Variants in MRPL3 observed in about 807,000 individuals in gnomAD.
MRPL3 encodes large ribosomal subunit protein uL3m.
In MRPL3, 43 loss-of-function variants were observed where a neutral mutation model predicts 44.3. The ratio of observed to expected loss-of-function variants is 0.97; its 90% CI spans 0.76 to 1.25. The LOEUF is 1.25. MRPL3 is among the 50% of genes most tolerant of loss of function. The pLI, the probability that MRPL3 is intolerant of heterozygous loss-of-function variation, is 0.00. For synonymous variants in MRPL3, 171 were observed against 152.3 expected (o/e 1.12, Z -0.91); for missense variants, 406 against 427.6 (o/e 0.95, Z 0.45).
rs1934500131 is a variant in MRPL3 at position 131,501,676 on chromosome 3, C to A, written c.132G>T (p.Lys44Asn). 2 of 1,613,950 alleles carry A rather than the reference C, an allele frequency of 1.2e-6. No individual in the cohort carries two copies. Among genetic ancestry groups the A allele is most frequent in the Non-Finnish European group, 1.7e-6 (2 of 1,180,006 alleles). Reference protein sequence around the residue: ...IWLFVRGLHGKSGTWWDEHLS... With the variant: ...IWLFVRGLHGNSGTWWDEHLS... ...GATGCTCATCCCACCATGTACCACTCTTTCCATGAAGACCTCTAACAAAAA... is the reference window on the plus strand; with the variant it reads ...GATGCTCATCCCACCATGTACCACTATTTCCATGAAGACCTCTAACAAAAA... Residue 44 changes from lysine to asparagine, a missense_variant, in exon 2 of 10, where the codon AAG becomes AAT. Transcript: ENST00000264995.
At chr3:131,463,013 A>G (rs1335381882) in intron 9 of MRPL3, 138 bp from the exon 10 acceptor site, 12 of 668,354 alleles carry the variant, frequency 1.8e-5, no homozygotes, top group Non-Finnish European at 2.7e-5. Context: ...AAATAGAGTA[A>G]AAAGAACTCA....
chr3:131,468,015 A>G (rs1445909282), intron 9 of MRPL3, 76 bp downstream of exon 9: 8 of 756,600 alleles, frequency 1.1e-5, no homozygotes, highest in Non-Finnish European at 1.0e-5. Flanking sequence ...AATAGAAAAT[A>G]AAGATAGTAA....
intron 6 of MRPL3, among the ~76,000 whole-genome samples, chr3:131,475,924 CAG>C (rs1439270443): frequency 2.0e-5 from 3 of 152,138 alleles, no homozygotes; most frequent in Non-Finnish European, 4.4e-5. Context: ...GAAAAGGAGA[CAG>C]AGAGACTGGC....
chr3:131,501,863 C>T (rs1934504623), intron 1 of MRPL3, 148 bp from the exon 2 acceptor site: 2 of 1,548,010 alleles, frequency 1.3e-6, no homozygotes, highest in Non-Finnish European at 1.7e-6. Context: ...AGGTCTCCAA[C>T]CTTTTCCTCA....
Position 131,473,137 on chromosome 3 carries a change from C to T in MRPL3, c.630-1858G>A, listed in dbSNP as rs146043253. On this transcript the variant is annotated intron_variant, in intron 6 of 9. Transcript: ENST00000264995. ...TGAGTAAGAATAAAAAAGCTGGAGA[C>T]ATCATACTACTTGACTTCAAAACAT... is the stretch of plus-strand genomic sequence containing the variant. 8.0e-4 allele frequency among the ~76,000 whole-genome samples: 121 copies of T among 152,162 alleles called. 1 individual carries two copies. Among genetic ancestry groups the T allele is most frequent in the Non-Finnish European group, 1.3e-3 (90 of 68,002 alleles).
At chr3:131,499,543 T>A (rs1559834627) in intron 3 of MRPL3, among the ~76,000 whole-genome samples, 1 of 152,088 alleles carries the variant, frequency 6.6e-6, no homozygotes, top group Admixed American at 6.5e-5. Context: ...ACTTGATCAT[T>A]CAGAGCCAAT....
chr3:131,486,035 C>G (rs986825724), intron 6 of MRPL3, among the ~76,000 whole-genome samples: 4 of 152,040 alleles, frequency 2.6e-5, no homozygotes, highest in African/African-American at 9.7e-5. Context: ...GTTGAAGAAA[C>G]AAACATCTGA....
intron 5 of MRPL3, 145 bp from the exon 6 acceptor site, chr3:131,487,885 A>G: frequency 1.6e-6 from 1 of 615,620 alleles, no homozygotes; most frequent in Non-Finnish European, 2.8e-6. Context: ...CATCCAAACA[A>G]TGAAATTATT....
At position 131,477,829 on chromosome 3, in the gene MRPL3, T is replaced by C. The variant is rs76267174; in HGVS notation, c.630-6550A>G. On this transcript the variant is annotated intron_variant, in intron 6 of 9. Transcript: ENST00000264995. Reference sequence around the variant, plus strand: ...TAGATTTCTATAGGATCTTTTAAAATAGAATCTCTCCACAGGGTTTTCCTC... The same window carrying C: ...TAGATTTCTATAGGATCTTTTAAAACAGAATCTCTCCACAGGGTTTTCCTC... Among the ~76,000 whole-genome samples, 296 of 152,316 alleles carry C rather than the reference T, an allele frequency of 1.9e-3. 9 individuals are homozygous for C. In the East Asian group the frequency reaches 0.047, roughly 24 times the overall value.
intron 6 of MRPL3, among the ~76,000 whole-genome samples, chr3:131,481,824 T>A (rs1933995100): frequency 6.6e-6 from 1 of 152,228 alleles, no homozygotes; most frequent in Non-Finnish European, 1.5e-5. Context: ...ACGTACTGCT[T>A]TGAATACCCA....
intron 4 of MRPL3, among the ~76,000 whole-genome samples, chr3:131,496,365 A>C (rs1206899310): frequency 6.6e-6 from 1 of 152,254 alleles, no homozygotes; most frequent in Non-Finnish European, 1.5e-5. Flanking sequence ...TAAGAATAGC[A>C]GGACAGATAT....
At chr3:131,490,102 T>C in intron 4 of MRPL3, 22 bp from the exon 5 acceptor site, 1 of 1,475,486 alleles carries the variant, frequency 6.8e-7, no homozygotes, top group East Asian at 2.3e-5. Flanking sequence ...GCAGCACATA[T>C]AAGTAATACA....
rs747896904 is a variant in MRPL3 at position 131,498,263 on chromosome 3, A to G, written c.384T>C (p.His128=). ...VVTLLQVQDC[H]VLKYTSKENC... ...TTTCCTTTGACGTATATTTTAAGACATGACAGTCTTGTACCTAAAAAAACA... is the reference window on the plus strand; with the variant it reads ...TTTCCTTTGACGTATATTTTAAGACGTGACAGTCTTGTACCTAAAAAAACA... The change falls in exon 4 of 10, where the codon CAT becomes CAC. Residue 128 remains histidine, a synonymous_variant. Coordinates refer to ENST00000264995, the MANE Select transcript of MRPL3 (RefSeq NM_007208.4). The G allele has an allele frequency of 4.4e-6, 7 of 1,605,524 alleles. No homozygotes were observed. Among genetic ancestry groups the G allele is most frequent in the Non-Finnish European group, 5.1e-6 (6 of 1,172,488 alleles).
At chr3:131,471,675 C>T (rs1269441240) in intron 6 of MRPL3, among the ~76,000 whole-genome samples, 1 of 152,166 alleles carries the variant, frequency 6.6e-6, no homozygotes, top group African/African-American at 2.4e-5. Context: ...CCAAAGATCA[C>T]CACCTCCTGG....
chr3:131,479,017 A>T (rs1933917381), intron 6 of MRPL3: 1 of 389,538 alleles, frequency 2.6e-6, no homozygotes, highest in South Asian at 2.0e-5. Flanking sequence ...TTTAATTTTT[A>T]AAAATCAAAA....
At chr3:131,490,213 G>T in intron 4 of MRPL3, 133 bp from the exon 5 acceptor site, 1 of 611,040 alleles carries the variant, frequency 1.6e-6, no homozygotes, top group Non-Finnish European at 2.9e-6. Context: ...ATGAACAAAG[G>T]GCACCCAATT....
chr3:131,496,742 A>C (rs1472709756), intron 4 of MRPL3, among the ~76,000 whole-genome samples: 1 of 152,140 alleles, frequency 6.6e-6, no homozygotes, highest in Non-Finnish European at 1.5e-5. Flanking sequence ...ATCTCCTAAA[A>C]ACTCTTTCCT....
intron 2 of MRPL3, 113 bp downstream of exon 2, chr3:131,501,418 C>T (rs2107606075): frequency 1.1e-6 from 1 of 936,498 alleles, no homozygotes; most frequent in South Asian, 1.7e-5. Context: ...ACACGCAGCA[C>T]ATGAAAAATA....
chr3:131,487,894 T>C (rs1320525030), intron 5 of MRPL3, among the ~76,000 whole-genome samples, 154 bp from the exon 6 acceptor site: 3 of 152,240 alleles, frequency 2.0e-5, no homozygotes, highest in East Asian at 1.9e-4. Context: ...AATGAAATTA[T>C]TCAACAAATA....
Sources: allele counts gnomAD v4.1 joint callset (sites outside exome capture counted in the v4.1 genomes callset), GRCh38; gene constraint gnomAD v4.1.1; transcripts MANE v1.5; gene names NCBI Gene and HGNC (gene_info 2026-07-23, HGNC 2026-07-21).